PMS1: variants seen among roughly 807,000 people sequenced by gnomAD.
The protein encoded by PMS1 is PMS1 protein homolog 1.
A neutral mutation model predicts 93.1 loss-of-function variants in PMS1; 79 were observed. That is an observed-to-expected ratio of 0.85 (90% CI 0.71 to 1.02). The LOEUF (loss-of-function observed/expected upper bound fraction) is 1.02, where lower values mean the gene tolerates loss of function less well. Ranked by LOEUF, PMS1 falls within the 50% of genes least tolerant of loss-of-function variation. PMS1 has a pLI of 0.00. For missense variants in PMS1, 1,064 were observed against 1,085.3 expected (o/e 0.98, Z 0.28); for synonymous variants, 335 against 363.4 (o/e 0.92, Z 0.89).
At chr2:189,797,468 CTG>C (rs1396732287) in intron 3 of PMS1, among the ~76,000 whole-genome samples, 2 of 152,164 alleles carry the variant, frequency 1.3e-5, no homozygotes, top group Non-Finnish European at 2.9e-5. Flanking sequence ...TCACGTGACT[CTG>C]TACTACTTTT....
At chr2:189,808,556 C>T (rs984758886) in intron 4 of PMS1, among the ~76,000 whole-genome samples, 3 of 152,078 alleles carry the variant, frequency 2.0e-5, no homozygotes, top group Non-Finnish European at 4.4e-5. Context: ...GTCTCGAACT[C>T]CTGACCTCAA....
At chr2:189,857,551 G>T in intron 9 of PMS1, 1 of 423,256 alleles carries the variant, frequency 2.4e-6, no homozygotes, top group South Asian at 1.8e-5. Context: ...TAGACCTTCA[G>T]TCCATCCTTT....
intron 4 of PMS1, among the ~76,000 whole-genome samples, chr2:189,812,373 A>G (rs1290136215): frequency 5.9e-5 from 9 of 152,230 alleles, no homozygotes; most frequent in Non-Finnish European, 1.5e-5. Context: ...AAGAATGAGT[A>G]CAAAGTGAAG....
rs2055096885 is a variant in PMS1, at chr2:189,854,339, C to T, written c.1067C>T (p.Ala356Val). ...AATAATAAAACAGATGTTTCCGCAG[C>T]TGACATCGTTCTTAGTAAAACAGCA... The part of the protein sequence containing the change: ...YENNKTDVSA[A>V]DIVLSKTAET... The change falls in exon 9 of 13, where the codon GCT (alanine) becomes GTT (valine). Residue 356 changes from alanine (A) to valine (V), a missense_variant. Coordinates refer to ENST00000441310, the MANE Select transcript of PMS1 (RefSeq NM_000534.5). The T allele has an allele frequency of 1.9e-6, 3 of 1,598,724 alleles. No individual in the cohort carries two copies. In the African/African-American group the frequency reaches 4.0e-5, roughly 21 times the overall value.
At chr2:189,834,330 C>A (rs554526288) in intron 5 of PMS1, among the ~76,000 whole-genome samples, 28 of 152,272 alleles carry the variant, frequency 1.8e-4, no homozygotes, top group African/African-American at 5.8e-4. Flanking sequence ...TGAGATGAGG[C>A]TACGAAGCTT....
intron 3 of PMS1, among the ~76,000 whole-genome samples, chr2:189,802,640 C>A (rs369871431): frequency 3.9e-5 from 6 of 152,144 alleles, no homozygotes; most frequent in African/African-American, 9.7e-5. Context: ...CTTAGAGGAG[C>A]AGAATGAGAA....
At chr2:189,805,820 A>AG (rs1450440371) in intron 4 of PMS1, 66 bp downstream of exon 4, 4 of 1,598,106 alleles carry the variant, frequency 2.5e-6, no homozygotes, top group Admixed American at 1.7e-5. Flanking sequence ...GTTTAAAAAA[A>AG]AAAAGTTACT....
chr2:189,854,170 TTTTA>T, intron 8 of PMS1, 65 bp from the exon 9 acceptor site: 1 of 1,391,268 alleles, frequency 7.2e-7, no homozygotes. Context: ...TATTTATCTT[TTTTA>T]TTATTTAAAA....
intron 5 of PMS1, among the ~76,000 whole-genome samples, chr2:189,836,617 G>A (rs1426449548): frequency 6.6e-6 from 1 of 152,100 alleles, no homozygotes; most frequent in Non-Finnish European, 1.5e-5. Flanking sequence ...TTTAGTGATG[G>A]GTCCTGTTTT....
At chr2:189,791,649 A>G (rs2048882182) in intron 1 of PMS1, 141 bp from the exon 2 acceptor site, 1 of 629,332 alleles carries the variant, frequency 1.6e-6, no homozygotes, top group African/African-American at 1.8e-5. Context: ...AAGACTTAAT[A>G]TTGTATGTGC....
rs915938206 is a variant in PMS1 at position 189,864,280 on chromosome 2, A to G, written c.2342+52A>G. 3.3e-6 allele frequency: 4 copies of G among 1,213,320 alleles called. No individual in the cohort carries two copies. In the Admixed American group the frequency reaches 5.1e-5, roughly 15 times the overall value. The allele number at this position is 1,213,320 out of a possible 1,614,324, so 75.2% of individuals were successfully genotyped here. On this transcript the variant is annotated intron_variant, in intron 10 of 12. Transcript: ENST00000441310. Reference sequence around the variant, plus strand: ...GTAAAAATATTTATTATAATAGTTCATACTAGATTAAAATCGAAGGTAGAA... The same window carrying G: ...GTAAAAATATTTATTATAATAGTTCGTACTAGATTAAAATCGAAGGTAGAA...
chr2:189,811,757 T>C (rs1452138285), intron 4 of PMS1, among the ~76,000 whole-genome samples: 1 of 152,206 alleles, frequency 6.6e-6, no homozygotes, highest in African/African-American at 2.4e-5. Context: ...ATAATTGAAT[T>C]ACCGAAAACC....
chr2:189,798,880 C>T (rs115770474), intron 3 of PMS1, among the ~76,000 whole-genome samples: 1 of 151,322 alleles, frequency 6.6e-6, no homozygotes. Context: ...ATATATGTAA[C>T]CCTTCAGAGC....
At chr2:189,848,027 G>T (rs1383602454) in intron 6 of PMS1, among the ~76,000 whole-genome samples, 1 of 152,084 alleles carries the variant, frequency 6.6e-6, no homozygotes, top group Non-Finnish European at 1.5e-5. Flanking sequence ...ATGTGACATG[G>T]GTCCTATTTT....
chr2:189,809,383 G>A (rs1406745993), intron 4 of PMS1, among the ~76,000 whole-genome samples: 1 of 141,904 alleles, frequency 7.0e-6, no homozygotes, highest in East Asian at 2.3e-4. Context: ...AAACATGATA[G>A]TATAATGGGG....
chr2:189,813,729 G>T (rs2051038865), intron 4 of PMS1, among the ~76,000 whole-genome samples: 1 of 152,224 alleles, frequency 6.6e-6, no homozygotes, highest in African/African-American at 2.4e-5. Flanking sequence ...GGCACCAGAA[G>T]AAATTGCCAT....
At position 189,795,886 on chromosome 2, in the gene PMS1, C is replaced by G; in HGVS notation, c.250C>G (p.Leu84Val). ...YTSKINSHED[L>V]ENLTTYGFRG... ...CTCAAAAATAAATAGTCATGAAGATCTTGAAAATTTGACAACTTACGGTTT... is the reference window on the plus strand; with the variant it reads ...CTCAAAAATAAATAGTCATGAAGATGTTGAAAATTTGACAACTTACGGTTT... The change falls in exon 3 of 13, where the codon CTT (leucine) becomes GTT (valine). Residue 84 changes from leucine to valine, a missense_variant. Physicochemically the swap from Leu to Val is conservative, Grantham distance 32 (BLOSUM62 1). Coordinates refer to ENST00000441310, the MANE Select transcript of PMS1 (RefSeq NM_000534.5). 2 of 1,613,576 alleles carry G rather than the reference C, an allele frequency of 1.2e-6. No homozygotes were observed. The highest frequency in any genetic ancestry group is 1.1e-5 in the South Asian group (1 of 91,074).
chr2:189,835,401 AATTTTATACTGAATTCAAAAC>A, intron 5 of PMS1, among the ~76,000 whole-genome samples: 1 of 152,220 alleles, frequency 6.6e-6, no homozygotes, highest in East Asian at 1.9e-4. Context: ...AATAATCTAT[AATTTTATACTGAATTCAAAAC>A]ATTTAGCAGT....
intron 4 of PMS1, among the ~76,000 whole-genome samples, chr2:189,808,349 A>G (rs897096748): frequency 4.6e-5 from 7 of 152,028 alleles, no homozygotes; most frequent in African/African-American, 1.7e-4. Flanking sequence ...TTATTTTGAG[A>G]CAGAGTCTTA....
Sources: gnomAD v4.1 joint callset for allele counts (sites outside exome capture counted in the v4.1 genomes callset) on GRCh38, gnomAD v4.1.1 for gene constraint, MANE v1.5 for transcripts, NCBI Gene and HGNC (gene_info 2026-07-23, HGNC 2026-07-21) for gene names.